Variants in PIBF1 observed in about 807,000 individuals in gnomAD.
PIBF1 encodes progesterone immunomodulatory binding factor 1.
A neutral mutation model predicts 112.5 loss-of-function variants in PIBF1; 90 were observed. That is an observed-to-expected ratio of 0.80 (90% CI 0.67 to 0.95). PIBF1 has a LOEUF of 0.95. Among genes scored for constraint, PIBF1 ranks in the 40% least tolerant of loss-of-function variants. The pLI is 0.00. For synonymous variants in PIBF1, 301 were observed against 288.6 expected, an observed-to-expected ratio of 1.04 and a Z score of -0.44; for missense variants, 915 against 852.3, an observed-to-expected ratio of 1.07 and a Z score of -0.92.
chr13:73,011,990 T>G (rs1049004595), intron 17 of PIBF1, among the ~76,000 whole-genome samples: 1 of 151,974 alleles, frequency 6.6e-6, no homozygotes, highest in Admixed American at 6.6e-5. Flanking sequence ...AGCAGAAAGA[T>G]GAAAATCCTA....
intron 2 of PIBF1, among the ~76,000 whole-genome samples, chr13:72,785,499 A>G (rs1032402835): frequency 1.3e-5 from 2 of 152,220 alleles, no homozygotes; most frequent in African/African-American, 4.8e-5. Context: ...TTCAGATGAA[A>G]GTGATAGAGC....
chr13:73,015,336 A>C (rs1269522645), intron 17 of PIBF1, among the ~76,000 whole-genome samples: 1 of 152,196 alleles, frequency 6.6e-6, no homozygotes. Context: ...TGAATGTTTT[A>C]TTCTGTAATT....
At chr13:72,808,150 G>A (rs973641705) in intron 5 of PIBF1, among the ~76,000 whole-genome samples, 3 of 147,700 alleles carry the variant, frequency 2.0e-5, no homozygotes, top group Non-Finnish European at 4.6e-5. Context: ...GTGTGGACAT[G>A]TTTTTTCTCT....
chr13:72,910,197 A>G (rs75519793), intron 12 of PIBF1, among the ~76,000 whole-genome samples: 2,707 of 152,306 alleles, frequency 0.018, 71 homozygotes, highest in African/African-American at 0.058. Flanking sequence ...TAACTGCAAT[A>G]GATTTTAAAT....
intron 11 of PIBF1, among the ~76,000 whole-genome samples, chr13:72,906,745 A>G (rs960448556): frequency 6.6e-6 from 1 of 152,110 alleles, no homozygotes; most frequent in South Asian, 2.1e-4. Context: ...AAAATATCCC[A>G]TCTTCAACAT....
chr13:72,934,875 T>A (rs2041818326), intron 14 of PIBF1, among the ~76,000 whole-genome samples: 1 of 152,174 alleles, frequency 6.6e-6, no homozygotes, highest in Non-Finnish European at 1.5e-5. Context: ...CATATGCCCC[T>A]TTGGAATTCT....
intron 2 of PIBF1, among the ~76,000 whole-genome samples, chr13:72,790,803 C>T (rs1034220866): frequency 9.9e-5 from 15 of 152,088 alleles, no homozygotes; most frequent in African/African-American, 3.1e-4. Context: ...AAACAATGCA[C>T]AGGACATTAT....
chr13:72,848,709 G>A (rs1407195542), intron 9 of PIBF1, among the ~76,000 whole-genome samples: 1 of 152,010 alleles, frequency 6.6e-6, no homozygotes, highest in East Asian at 1.9e-4. Context: ...GCGGGTGCCT[G>A]TAGTCCCAGC....
At chr13:72,809,132 C>CTTTTTTTTTTTTTTT (rs35219701) in intron 5 of PIBF1, among the ~76,000 whole-genome samples, 7 of 74,854 alleles carry the variant, frequency 9.4e-5, no homozygotes, top group African/African-American at 2.5e-4. Context: ...GTATATGTCC[C>CTTTTTTTTTTTTTTT]TTTTTTTTTT....
chr13:72,797,976 C>T lies in PIBF1; in HGVS notation c.622C>T (p.Leu208=). ...TGAACTACAAGTGAAAAAGAATATC[C>T]TAGCAGAAGAATTAAGTACAAACAA... is the stretch of plus-strand genomic sequence containing the variant. The part of the protein sequence containing the change: ...ICELQVKKNI[L]AEELSTNKNQ... Residue 208 remains leucine, a synonymous_variant, in exon 5 of 18, where the codon CTA becomes TTA. Coordinates refer to ENST00000326291, the MANE Select transcript of PIBF1 (RefSeq NM_006346.4). The T allele has an allele frequency of 2.5e-6, 4 of 1,609,330 alleles. No homozygotes were observed.
intron 16 of PIBF1, among the ~76,000 whole-genome samples, chr13:72,975,956 A>T (rs1015513167): frequency 1.3e-5 from 2 of 152,170 alleles, no homozygotes; most frequent in African/African-American, 2.4e-5. Context: ...CAGAATGGCA[A>T]TTCTCATTTG....
Position 72,783,759 on chromosome 13 carries a change from A to G in PIBF1, c.252+38A>G, listed in dbSNP as rs577040486. Reference sequence around the variant, plus strand: ...TTAAATTTTGTGTTCTATATGCTTTATTGTCTTCAAACGGCAGGTAAATAA... The same window carrying G: ...TTAAATTTTGTGTTCTATATGCTTTGTTGTCTTCAAACGGCAGGTAAATAA... On this transcript the variant is annotated intron_variant, in intron 2 of 17. Transcript: ENST00000326291. 1.9e-6 allele frequency: 3 copies of G among 1,568,358 alleles called. No individual in the cohort carries two copies. The South Asian group carries it at 3.4e-5, about 18-fold the overall frequency.
chr13:72,963,243 G>A (rs76678186), intron 14 of PIBF1, among the ~76,000 whole-genome samples: 15,692 of 152,114 alleles, frequency 0.1, 2,307 homozygotes, highest in African/African-American at 0.33. Context: ...AAAAGGACAA[G>A]CACAAAAACA....
intron 10 of PIBF1, among the ~76,000 whole-genome samples, chr13:72,864,345 A>G (rs1282968611): frequency 1.3e-5 from 2 of 152,348 alleles, no homozygotes; most frequent in Admixed American, 1.3e-4. Flanking sequence ...CAATACAAAT[A>G]TGTAAGTGTT....
intron 17 of PIBF1, among the ~76,000 whole-genome samples, chr13:73,010,810 C>CTTTTTTTTTTTTGTTTT (rs2044175626): frequency 2.5e-5 from 1 of 40,280 alleles, no homozygotes; most frequent in African/African-American, 9.6e-5. Flanking sequence ...ATTAACTTTT[C>CTTTTTTTTTTTTGTTTT]TTTTTTTTTT....
At chr13:72,988,456 G>A (rs1232014837) in intron 16 of PIBF1, among the ~76,000 whole-genome samples, 1 of 152,030 alleles carries the variant, frequency 6.6e-6, no homozygotes, top group Admixed American at 6.6e-5. Flanking sequence ...GTTTGCAGTT[G>A]CAGATATTAA....
intron 13 of PIBF1, among the ~76,000 whole-genome samples, chr13:72,921,438 T>C (rs930380517): frequency 4.6e-5 from 7 of 152,084 alleles, no homozygotes; most frequent in African/African-American, 1.4e-4. Context: ...AATTGGAAAA[T>C]TACTGGTAAT....
chr13:72,878,722 T>C (rs2039504859), intron 10 of PIBF1, among the ~76,000 whole-genome samples: 3 of 152,190 alleles, frequency 2.0e-5, no homozygotes, highest in Admixed American at 2.0e-4. Flanking sequence ...TACTAGCGTG[T>C]TGAAGTCTTC....
rs751847869 is a variant in PIBF1, at chr13:72,792,518, C to T, written c.324C>T (p.Asn108=). 2 of 1,559,746 alleles carry T rather than the reference C, an allele frequency of 1.3e-6. No homozygotes were observed. The highest frequency in any genetic ancestry group is 1.4e-5 in the African/African-American group (1 of 71,698). The change falls in exon 3 of 18, where the codon AAC becomes AAT. Residue 108 remains asparagine (N), a synonymous_variant. Transcript: ENST00000326291. ...QKQLLTLRLD[N]QLAFQQKDAS... ...AGCTACTAACATTGAGATTAGACAA[C>T]CAATTGGCTTTTCAACAGAAAGATG...
Sources: gnomAD v4.1 joint callset for allele counts (sites outside exome capture counted in the v4.1 genomes callset) on GRCh38, gnomAD v4.1.1 for gene constraint, MANE v1.5 for transcripts, NCBI Gene and HGNC (gene_info 2026-07-23, HGNC 2026-07-21) for gene names.